Variants in TNFRSF8 observed in about 807,000 individuals in gnomAD.
The protein encoded by TNFRSF8 is TNF receptor superfamily member 8, also known as tumor necrosis factor receptor superfamily member 8.
Under a neutral mutation model 70.8 loss-of-function variants are expected in TNFRSF8, and 26 were observed. The ratio of observed to expected loss-of-function variants is 0.37; its 90% CI spans 0.27 to 0.51. TNFRSF8 has a LOEUF of 0.51. TNFRSF8 is among the 20% of genes least tolerant of loss of function. The pLI is 0.94. For missense variants in TNFRSF8, 720 were observed against 807.9 expected (o/e 0.89, Z 1.32); for synonymous variants, 356 against 339.2 (o/e 1.05, Z -0.54).
intron 12 of TNFRSF8, among the ~76,000 whole-genome samples, chr1:12,127,738 T>G (rs1181779551): frequency 6.6e-6 from 1 of 152,266 alleles, no homozygotes; most frequent in Non-Finnish European, 1.5e-5. Context: ...AGTGTCTCAT[T>G]GAAACCGGCG....
In TNFRSF8 at chr1:12,138,501, C is replaced by T. The variant is rs1308435552; in HGVS notation, c.1543+65C>T. 7.5e-6 allele frequency: 11 copies of T among 1,468,646 alleles called. No homozygotes were observed. The East Asian group carries it at 2.2e-4, about 29-fold the overall frequency. The allele number at this position is 1,468,646 out of a possible 1,614,324, so 91.0% of individuals were successfully genotyped here. A position where few individuals can be genotyped will look rare whatever the true frequency, so the allele number is the denominator to read the frequency against. ...GGCAGATGGGAGATGAATACGGGGCCCTGGGCCCTGGAAGGGACCTGGAGA... is the reference window on the plus strand; with the variant it reads ...GGCAGATGGGAGATGAATACGGGGCTCTGGGCCCTGGAAGGGACCTGGAGA... On this transcript the variant is annotated intron_variant, in intron 14 of 14. Transcript: ENST00000263932. This position sits in a 1 kb window ranked among gnomAD's most constrained non-coding sequence, Gnocchi z 5.7.
intron 3 of TNFRSF8, 105 bp downstream of exon 3, chr1:12,097,322 C>T: frequency 3.8e-6 from 3 of 782,962 alleles, no homozygotes; most frequent in Non-Finnish European, 4.3e-6. Flanking sequence ...GATTTGATGT[C>T]TGTTCTCTGA....
chr1:12,119,626 G>A lies in TNFRSF8; in HGVS notation c.947-3658G>A, dbSNP rs1641793952. 6.6e-6 allele frequency among the ~76,000 whole-genome samples: 1 copy of A among 151,122 alleles called. No individual in the cohort carries two copies. The highest frequency in any genetic ancestry group is 1.5e-5 in the Non-Finnish European group (1 of 67,896). On this transcript the variant is annotated intron_variant, in intron 8 of 14. Coordinates refer to ENST00000263932, the MANE Select transcript of TNFRSF8 (RefSeq NM_001243.5). This position sits in a 1 kb window ranked among gnomAD's most constrained non-coding sequence, Gnocchi z 4.4. ...ATTATTTTTATTATTTTTAGAGACA[G>A]GGTCTCACTCTGTGTTCCAGGCTGG...
chr1:12,133,326 C>CTT lies in TNFRSF8; in HGVS notation c.1310-2251_1310-2250dup, dbSNP rs35850962. 1.1e-3 allele frequency among the ~76,000 whole-genome samples: 156 copies of CTT among 147,426 alleles called. 1 individual carries two copies. The South Asian group carries it at 0.02, about 19-fold the overall frequency. Reference sequence around the variant, plus strand: ...TATTTTGTTTTGTTACTTTGTCACACTTTTTTTTTTTTATTCTGTTGGCCA... The same window carrying CTT: ...TATTTTGTTTTGTTACTTTGTCACACTTTTTTTTTTTTTTATTCTGTTGGCCA... On this transcript the variant is annotated intron_variant, in intron 12 of 14. Coordinates refer to ENST00000263932, the MANE Select transcript of TNFRSF8 (RefSeq NM_001243.5).
chr1:12,104,152 A>G (rs1641473711), intron 3 of TNFRSF8, among the ~76,000 whole-genome samples: 2 of 152,162 alleles, frequency 1.3e-5, no homozygotes, highest in South Asian at 4.1e-4. Context: ...TTCATTTAGC[A>G]ATATGTATCT....
chr1:12,077,409 C>T (rs1282338800), intron 1 of TNFRSF8, among the ~76,000 whole-genome samples: 1 of 152,154 alleles, frequency 6.6e-6, no homozygotes, highest in Non-Finnish European at 1.5e-5. Context: ...AAGGACTCAG[C>T]CCACCATTGC....
intron 8 of TNFRSF8, among the ~76,000 whole-genome samples, chr1:12,116,002 A>G (rs1257177041): frequency 2.6e-5 from 4 of 152,134 alleles, no homozygotes; most frequent in Non-Finnish European, 5.9e-5. Context: ...TATTTTTGAG[A>G]TGGAGTTTCG....
rs1374195410 is a variant in TNFRSF8, at chr1:12,113,075, C to T, written c.793+1061C>T. ...GAAAACAAATCATTCTTTGTACTCA[C>T]AGATTCTGTGAGTCAGAATTCAGAC... On this transcript the variant is annotated intron_variant, in intron 7 of 14. Coordinates refer to ENST00000263932, the MANE Select transcript of TNFRSF8 (RefSeq NM_001243.5). The surrounding 1 kb of genome is among the most constrained non-coding windows in gnomAD (Gnocchi z 4.9). 2.6e-5 allele frequency among the ~76,000 whole-genome samples: 4 copies of T among 152,260 alleles called. No homozygotes were observed. The highest frequency in any genetic ancestry group is 9.6e-5 in the African/African-American group (4 of 41,478).
At position 12,142,316 on chromosome 1, in the gene TNFRSF8, G is replaced by A. The variant is rs1202642571; in HGVS notation, c.1573G>A (p.Val525Met). 6.2e-7 allele frequency: 1 copy of A among 1,603,126 alleles called. No individual in the cohort carries two copies. Among genetic ancestry groups the A allele is most frequent in the Non-Finnish European group, 8.5e-7 (1 of 1,174,738 alleles). The change falls in exon 15 of 15, where the codon GTG becomes ATG. Residue 525 changes from valine (V) to methionine (M), a missense_variant. By Grantham distance (21) the Val-to-Met change is conservative. Coordinates refer to ENST00000263932, the MANE Select transcript of TNFRSF8 (RefSeq NM_001243.5). The surrounding 1 kb of genome is among the most constrained non-coding windows in gnomAD (Gnocchi z 5.0). ...AATCTACATCATGAAGGCTGACACC[G>A]TGATCGTGGGGACCGTGAAGGCTGA... The part of the protein sequence containing the change: ...EKIYIMKADT[V>M]IVGTVKAELP...
intron 10 of TNFRSF8, among the ~76,000 whole-genome samples, chr1:12,125,562 C>T (rs1641922302): frequency 6.6e-6 from 1 of 152,160 alleles, no homozygotes; most frequent in Non-Finnish European, 1.5e-5. Flanking sequence ...CTGGGTTCAA[C>T]CTCTTCCTTC....
intron 12 of TNFRSF8, among the ~76,000 whole-genome samples, chr1:12,131,856 C>G (rs1204725188): frequency 6.6e-6 from 1 of 151,818 alleles, no homozygotes; most frequent in Non-Finnish European, 1.5e-5. Flanking sequence ...TGCAATGGCG[C>G]AATCTCAGCT....
intron 3 of TNFRSF8, among the ~76,000 whole-genome samples, chr1:12,103,127 G>A (rs1641452590): frequency 6.6e-6 from 1 of 151,950 alleles, no homozygotes; most frequent in Admixed American, 6.6e-5. Flanking sequence ...ACTTTGGGAG[G>A]CCGAGGCGGG....
rs1641587233 is a variant in TNFRSF8 at position 12,109,554 on chromosome 1, T to G, written c.422-12T>G. The G allele has an allele frequency of 6.2e-7, 1 of 1,611,458 alleles. No homozygotes were observed. The highest frequency in any genetic ancestry group is 2.2e-5 in the East Asian group (1 of 44,840). ...AACACTGATTCTGAAGGCACTGCTG[T>G]CCCCCCTGCAGGCACGGCGCAGAAG... On this transcript the variant is annotated splice_polypyrimidine_tract_variant and intron_variant, in intron 4 of 14. Coordinates refer to ENST00000263932, the MANE Select transcript of TNFRSF8 (RefSeq NM_001243.5). The surrounding 1 kb of genome is among the most constrained non-coding windows in gnomAD (Gnocchi z 4.4).
At chr1:12,079,150 G>A (rs552877251) in intron 1 of TNFRSF8, among the ~76,000 whole-genome samples, 6 of 152,332 alleles carry the variant, frequency 3.9e-5, no homozygotes, top group South Asian at 2.1e-4. Flanking sequence ...GGTATGGTCC[G>A]GCTGAGACCA....
At chr1:12,081,482 C>T (rs1189162106) in intron 1 of TNFRSF8, among the ~76,000 whole-genome samples, 1 of 151,562 alleles carries the variant, frequency 6.6e-6, no homozygotes, top group Admixed American at 6.6e-5. Flanking sequence ...CAGGAGCCCT[C>T]TGGGTGACTT....
intron 4 of TNFRSF8, among the ~76,000 whole-genome samples, chr1:12,106,840 T>G (rs1032909709): frequency 3.9e-5 from 6 of 152,126 alleles, no homozygotes; most frequent in Non-Finnish European, 8.8e-5. Context: ...ATCTCTCAAA[T>G]GAGGAGGTAT....
chr1:12,107,320 G>A (rs967273215), intron 4 of TNFRSF8, among the ~76,000 whole-genome samples: 2 of 152,030 alleles, frequency 1.3e-5, no homozygotes, highest in African/African-American at 2.4e-5. Flanking sequence ...GCTTGAATCC[G>A]GGAGGTGGAG....
At chr1:12,139,266 G>A (rs763522728) in intron 14 of TNFRSF8, among the ~76,000 whole-genome samples, 8 of 152,094 alleles carry the variant, frequency 5.3e-5, no homozygotes, top group South Asian at 2.1e-4. Flanking sequence ...TCCCCGACCA[G>A]ACTCACCTAC....
rs544354449 is a variant in TNFRSF8, at chr1:12,112,151, A to G, written c.793+137A>G. ...CTTTTCAGAGGGCTTCCATTGGCAT[A>G]TTATTTCCTTCCAGGAAGCGTTTGT... On this transcript the variant is annotated intron_variant, in intron 7 of 14. Transcript: ENST00000263932. The surrounding 1 kb of genome is among the most constrained non-coding windows in gnomAD (Gnocchi z 5.3). 1.2e-4 allele frequency: 71 copies of G among 611,614 alleles called. 1 individual carries two copies. Among genetic ancestry groups the G allele is most frequent in the African/African-American group, 1.1e-3 (61 of 53,888 alleles). 37.9% of individuals were successfully genotyped at this position (611,614 alleles called of 1,614,324 possible).
Sources: gnomAD v4.1 joint callset for allele counts (sites outside exome capture counted in the v4.1 genomes callset) on GRCh38, gnomAD v4.1.1 for gene constraint, Gnocchi (gnomAD v3.1) non-coding constraint, MANE v1.5 for transcripts, NCBI Gene and HGNC (gene_info 2026-07-23, HGNC 2026-07-21) for gene names.